The following RTTN variants were observed in gnomAD, a reference collection of about 807,000 sequenced individuals.
RTTN encodes rotatin.
RTTN carries 182 observed loss-of-function variants against 269.2 expected under a neutral mutation model. That is an observed-to-expected ratio of 0.68 (90% confidence interval 0.60 to 0.76). RTTN has a LOEUF of 0.76. Among genes scored for constraint, RTTN ranks in the 30% least tolerant of loss-of-function variants. The pLI is 0.00. For synonymous variants in RTTN, 1,006 were observed against 963.5 expected (o/e 1.04, Z -0.82); for missense variants, 2,545 against 2,608.6 (o/e 0.98, Z 0.53).
At chr18:70,168,370 A>G (rs986706854) in intron 12 of RTTN, among the ~76,000 whole-genome samples, 18 of 152,208 alleles carry the variant, frequency 1.2e-4, no homozygotes, top group Admixed American at 3.9e-4. Flanking sequence ...ACACTGCCAT[A>G]AAGTCATCCT....
intron 42 of RTTN, 26 bp downstream of exon 42, chr18:70,029,986 G>GAGA: frequency 6.6e-7 from 1 of 1,508,020 alleles, no homozygotes; most frequent in Non-Finnish European, 9.2e-7. Context: ...TCTATATATA[G>GAGA]CCATTCATTT....
At chr18:70,200,060 C>T (rs1371428202) in intron 4 of RTTN, among the ~76,000 whole-genome samples, 1 of 152,160 alleles carries the variant, frequency 6.6e-6, no homozygotes, top group African/African-American at 2.4e-5. Context: ...TTTAAACTAT[C>T]CCCATGCAAG....
At chr18:70,081,704 G>A (rs900545599) in intron 32 of RTTN, among the ~76,000 whole-genome samples, 25 of 152,056 alleles carry the variant, frequency 1.6e-4, no homozygotes, top group African/African-American at 6.0e-4. Context: ...TCAGATGAAC[G>A]AAAGCAAATA....
intron 3 of RTTN, 33 bp from the exon 4 acceptor site, chr18:70,202,016 A>AT: frequency 8.1e-7 from 1 of 1,234,818 alleles, no homozygotes; most frequent in African/African-American, 1.5e-5. Flanking sequence ...TGTATTGTCG[A>AT]TTCCTTATTT....
chr18:70,137,544 C>T (rs975333691), intron 21 of RTTN, among the ~76,000 whole-genome samples: 2 of 152,060 alleles, frequency 1.3e-5, no homozygotes, highest in Non-Finnish European at 1.5e-5. Flanking sequence ...AGGCCCTGCA[C>T]GAACTGCCCT....
intron 39 of RTTN, among the ~76,000 whole-genome samples, chr18:70,049,530 T>G (rs2057594673): frequency 6.6e-6 from 1 of 152,124 alleles, no homozygotes; most frequent in African/African-American, 2.4e-5. Context: ...TTACTATCGC[T>G]TTGGTTAAAA....
chr18:70,205,539 C>A (rs2062057335), intron 1 of RTTN, 89 bp downstream of exon 1: 1 of 1,548,922 alleles, frequency 6.5e-7, no homozygotes, highest in South Asian at 1.1e-5. Flanking sequence ...GGTCGCGGAG[C>A]GGCCGGCCGC....
intron 30 of RTTN, among the ~76,000 whole-genome samples, chr18:70,090,823 C>T (rs1246321499): frequency 6.6e-6 from 1 of 152,184 alleles, no homozygotes; most frequent in Non-Finnish European, 1.5e-5. Flanking sequence ...GGGGTGGGGT[C>T]ATCCCACAGA....
chr18:70,176,546 T>G (rs1238981661), intron 11 of RTTN, 129 bp downstream of exon 11: 1 of 704,930 alleles, frequency 1.4e-6, no homozygotes, highest in East Asian at 3.1e-5. Flanking sequence ...ATATAACCTG[T>G]TACACTTATT....
chr18:70,182,389 C>A (rs185737099), intron 10 of RTTN, among the ~76,000 whole-genome samples: 119 of 151,810 alleles, frequency 7.8e-4, no homozygotes, highest in African/African-American at 2.5e-3. Flanking sequence ...CGACTTACAT[C>A]AAAATAGCAT....
At chr18:70,171,100 G>GT (rs1157562212) in intron 11 of RTTN, among the ~76,000 whole-genome samples, 1 of 152,200 alleles carries the variant, frequency 6.6e-6, no homozygotes, top group Non-Finnish European at 1.5e-5. Flanking sequence ...CTGGATACAG[G>GT]TAAGTTCAGA....
chr18:70,139,531 T>C (rs1191261707), intron 21 of RTTN, 68 bp downstream of exon 21: 7 of 959,142 alleles, frequency 7.3e-6, no homozygotes, highest in Non-Finnish European at 1.1e-5. Context: ...AAATGTGACT[T>C]ACAATTAAAG....
chr18:70,109,787 C>A, intron 27 of RTTN, 70 bp from the exon 28 acceptor site: 1 of 1,226,936 alleles, frequency 8.2e-7, no homozygotes, highest in Non-Finnish European at 1.2e-6. Context: ...ATCTTACTGG[C>A]TATAAAAGGT....
At position 70,087,935 on chromosome 18, in the gene RTTN, C is replaced by T. The variant is rs2058743640; in HGVS notation, c.4302+54G>A. On this transcript the variant is annotated intron_variant, in intron 31 of 48. Coordinates refer to ENST00000640769, the MANE Select transcript of RTTN (RefSeq NM_173630.4). ...TTGAGCGGCAGTCAAGTATCGCTTACGGATACCATCACAAAGAATTTCTAA... is the reference window on the plus strand; with the variant it reads ...TTGAGCGGCAGTCAAGTATCGCTTATGGATACCATCACAAAGAATTTCTAA... The T allele has an allele frequency of 1.4e-5, 22 of 1,568,624 alleles. 1 individual carries two copies. The highest frequency in any genetic ancestry group is 3.4e-4 in the Middle Eastern group (2 of 5,906).
At chr18:70,145,851 A>G in intron 17 of RTTN, 68 bp from the exon 18 acceptor site, 1 of 1,172,004 alleles carries the variant, frequency 8.5e-7, no homozygotes, top group Non-Finnish European at 1.2e-6. Context: ...AGGGCTTGTA[A>G]TTACAAGTAA....
At chr18:70,122,363 C>A (rs1249143616) in intron 25 of RTTN, among the ~76,000 whole-genome samples, 1 of 151,780 alleles carries the variant, frequency 6.6e-6, no homozygotes, top group African/African-American at 2.4e-5. Flanking sequence ...AAGCAATCAG[C>A]AAGAGATATG....
chr18:70,108,748 C>G (rs2059387480), intron 28 of RTTN, among the ~76,000 whole-genome samples: 1 of 151,740 alleles, frequency 6.6e-6, no homozygotes, highest in African/African-American at 2.4e-5. Flanking sequence ...AGGGAAAAAT[C>G]ATGTGATTAT....
chr18:70,015,933 T>G (rs190006109), intron 46 of RTTN, among the ~76,000 whole-genome samples: 2 of 152,294 alleles, frequency 1.3e-5, no homozygotes, highest in African/African-American at 4.8e-5. Context: ...ACAGGCTCTC[T>G]CATTGCCCTG....
intron 9 of RTTN, among the ~76,000 whole-genome samples, chr18:70,189,027 A>G (rs1287819565): frequency 6.6e-6 from 1 of 152,232 alleles, no homozygotes; most frequent in African/African-American, 2.4e-5. Flanking sequence ...TTACCACAAA[A>G]GGGCAGGAGA....
Sources: gnomAD v4.1 joint callset for allele counts (sites outside exome capture counted in the v4.1 genomes callset) on GRCh38, gnomAD v4.1.1 for gene constraint, MANE v1.5 for transcripts, NCBI Gene and HGNC (gene_info 2026-07-23, HGNC 2026-07-21) for gene names.